The following SPIRE1 variants were observed in gnomAD, a reference collection of about 807,000 sequenced individuals.
The protein encoded by SPIRE1 is spire type actin nucleation factor 1.
Under a neutral mutation model 94.1 loss-of-function variants are expected in SPIRE1, and 40 were observed. The ratio of observed to expected loss-of-function variants is 0.43; its 90% CI spans 0.33 to 0.55. The LOEUF (loss-of-function observed/expected upper bound fraction) is 0.55, where lower values mean the gene tolerates loss of function less well. Among genes scored for constraint, SPIRE1 ranks in the 20% least tolerant of loss-of-function variants. The probability of loss-of-function intolerance (pLI) is 0.06; values close to 1 mark genes in which losing one functional copy is unlikely to be tolerated. For missense variants in SPIRE1, 838 were observed against 975.2 expected, an observed-to-expected ratio of 0.86 and a Z score of 1.87; for synonymous variants, 376 against 371.7, an observed-to-expected ratio of 1.01 and a Z score of -0.13.
At chr18:12,481,013 A>G (rs2032821848) in intron 9 of SPIRE1, among the ~76,000 whole-genome samples, 1 of 152,150 alleles carries the variant, frequency 6.6e-6, no homozygotes, top group Non-Finnish European at 1.5e-5. Flanking sequence ...AGGGGAAAGC[A>G]CTGTAACTGA....
At chr18:12,459,360 CAGG>C (rs2031674954) in intron 12 of SPIRE1, among the ~76,000 whole-genome samples, 1 of 152,184 alleles carries the variant, frequency 6.6e-6, no homozygotes, top group Admixed American at 6.5e-5. Flanking sequence ...CCTGGCCTGG[CAGG>C]AGGATGCTCT....
At chr18:12,476,685 A>C (rs1393923129) in intron 10 of SPIRE1, among the ~76,000 whole-genome samples, 1 of 149,650 alleles carries the variant, frequency 6.7e-6, no homozygotes, top group Non-Finnish European at 1.5e-5. Flanking sequence ...AAAACTTCTA[A>C]ATATATATAT....
At chr18:12,490,189 T>A (rs1292539661) in intron 8 of SPIRE1, among the ~76,000 whole-genome samples, 1 of 152,170 alleles carries the variant, frequency 6.6e-6, no homozygotes, top group Non-Finnish European at 1.5e-5. Context: ...GAAATACCAA[T>A]TGTCAAGGTT....
At chr18:12,552,080 C>T (rs1422662101) in intron 2 of SPIRE1, among the ~76,000 whole-genome samples, 1 of 152,262 alleles carries the variant, frequency 6.6e-6, no homozygotes, top group East Asian at 1.9e-4. Context: ...ACAGAAGGAA[C>T]ATTAAGACCA....
At chr18:12,528,975 T>C (rs995402693) in intron 4 of SPIRE1, among the ~76,000 whole-genome samples, 2 of 152,212 alleles carry the variant, frequency 1.3e-5, no homozygotes, top group Non-Finnish European at 2.9e-5. Context: ...AATGAGATTA[T>C]ATTCTTGTGG....
At chr18:12,658,810 C>G (rs759766985), upstream of SPIRE1, 8 of 314,668 alleles carry the variant, frequency 2.5e-5, no homozygotes, top group African/African-American at 4.4e-5. Context: ...TACGGGTTTT[C>G]CTCACTGACT....
intron 5 of SPIRE1, 71 bp downstream of exon 5, chr18:12,512,383 T>C: frequency 9.6e-7 from 1 of 1,041,074 alleles, no homozygotes. Flanking sequence ...TGAGACTCTG[T>C]CTCAAAAAAA....
intron 2 of SPIRE1, among the ~76,000 whole-genome samples, chr18:12,549,859 A>G (rs80073674): frequency 0.025 from 3,870 of 152,206 alleles, 168 homozygotes; most frequent in African/African-American, 0.088. Context: ...TATCAACACC[A>G]GCGATGGCTT....
At chr18:12,474,903 C>T (rs896829069) in intron 10 of SPIRE1, among the ~76,000 whole-genome samples, 3 of 152,116 alleles carry the variant, frequency 2.0e-5, no homozygotes, top group African/African-American at 7.2e-5. Flanking sequence ...GGTGATACAA[C>T]TGAGAAGCAG....
At chr18:12,588,359 T>C (rs1044512160) in intron 2 of SPIRE1, 1 of 152,484 alleles carries the variant, frequency 6.6e-6, no homozygotes, top group African/African-American at 2.4e-5. Flanking sequence ...TATTGCAGTA[T>C]AAAAAGTACT....
chr18:12,485,295 C>T (rs548044989), intron 9 of SPIRE1, among the ~76,000 whole-genome samples: 6 of 151,922 alleles, frequency 3.9e-5, no homozygotes, highest in Admixed American at 6.6e-5. Context: ...TTAGTAGAGA[C>T]GGGGTTTCAC....
intron 7 of SPIRE1, 30 bp from the exon 8 acceptor site, chr18:12,493,231 T>C: frequency 1.9e-6 from 3 of 1,593,816 alleles, no homozygotes; most frequent in Non-Finnish European, 2.6e-6. Flanking sequence ...GCTAAAGACT[T>C]CAGTAATTAA....
At chr18:12,478,455 G>A (rs1346580913) in intron 10 of SPIRE1, among the ~76,000 whole-genome samples, 1 of 151,134 alleles carries the variant, frequency 6.6e-6, no homozygotes, top group Non-Finnish European at 1.5e-5. Context: ...TGTAGCTAGG[G>A]TGTGTGTGTG....
intron 5 of SPIRE1, among the ~76,000 whole-genome samples, chr18:12,509,319 C>G (rs572933248): frequency 2.4e-4 from 37 of 152,276 alleles, no homozygotes; most frequent in Admixed American, 2.2e-3. Flanking sequence ...CACTAGTTTT[C>G]AAATGAAGGT....
intron 12 of SPIRE1, among the ~76,000 whole-genome samples, chr18:12,461,498 G>GTACA: frequency 4.7e-5 from 7 of 148,552 alleles, no homozygotes; most frequent in East Asian, 2.1e-4. Context: ...GTGTATGCAC[G>GTACA]TACATATGTA....
intron 2 of SPIRE1, among the ~76,000 whole-genome samples, chr18:12,585,379 C>A (rs1198052258): frequency 6.6e-6 from 1 of 152,132 alleles, no homozygotes; most frequent in Non-Finnish European, 1.5e-5. Context: ...TCCCACCAGA[C>A]AAAAGGCTTT....
intron 2 of SPIRE1, among the ~76,000 whole-genome samples, chr18:12,616,652 T>C (rs1214144380): frequency 6.6e-6 from 1 of 152,246 alleles, no homozygotes; most frequent in African/African-American, 2.4e-5. Flanking sequence ...CAGGCAGTGG[T>C]AGTGCGAAGG....
At chr18:12,568,471 C>T (rs2035873122) in intron 2 of SPIRE1, among the ~76,000 whole-genome samples, 1 of 152,174 alleles carries the variant, frequency 6.6e-6, no homozygotes, top group Non-Finnish European at 1.5e-5. Flanking sequence ...ATCTGTCCAT[C>T]CTCTTGCTCT....
intron 9 of SPIRE1, among the ~76,000 whole-genome samples, chr18:12,483,971 G>C (rs2032942659): frequency 6.6e-6 from 1 of 152,150 alleles, no homozygotes; most frequent in South Asian, 2.1e-4. Context: ...CAAATGATAA[G>C]CAGTGAAACC....
Sources: allele counts gnomAD v4.1 joint callset (sites outside exome capture counted in the v4.1 genomes callset), GRCh38; gene constraint gnomAD v4.1.1; transcripts MANE v1.5; gene names NCBI Gene and HGNC (gene_info 2026-07-23, HGNC 2026-07-21).